Variants in EFCAB12 observed in about 807,000 individuals in gnomAD.
The protein encoded by EFCAB12 is EF-hand calcium-binding domain-containing protein 12.
Under a neutral mutation model 53.6 loss-of-function variants are expected in EFCAB12, and 43 were observed. The ratio of observed to expected loss-of-function variants is 0.80; its 90% CI spans 0.63 to 1.03. The LOEUF (loss-of-function observed/expected upper bound fraction) is 1.03. Ranked by LOEUF, EFCAB12 falls within the 50% of genes least tolerant of loss-of-function variation. EFCAB12 has a pLI of 0.00. For missense variants in EFCAB12, 646 were observed against 730.6 expected (o/e 0.88, Z 1.34); for synonymous variants, 269 against 289.2 (o/e 0.93, Z 0.71).
At chr3:129,404,157 C>T (rs1042993311) in intron 7 of EFCAB12, 93 bp downstream of exon 7, 11 of 1,498,858 alleles carry the variant, frequency 7.3e-6, no homozygotes, top group Middle Eastern at 1.8e-4. Flanking sequence ...CACAGCATGG[C>T]GCCCCAGGTA....
At chr3:129,426,366 T>TTG (rs957307202) in intron 1 of EFCAB12, among the ~76,000 whole-genome samples, 4 of 133,160 alleles carry the variant, frequency 3.0e-5, no homozygotes, top group African/African-American at 1.2e-4. Flanking sequence ...TTTGTTTTTT[T>TTG]TTTTTTTTTT....
rs539117330 is a variant in EFCAB12 at position 129,416,144 on chromosome 3, C to T, written c.682-743G>A. On this transcript the variant is annotated intron_variant, in intron 3 of 8. Transcript: ENST00000505956. ...CAGAACTCTCCTGGTGCTGGCTGGACGTTGTGCCTCACGTTTGTAAACCCA... is the reference window on the plus strand; with the variant it reads ...CAGAACTCTCCTGGTGCTGGCTGGATGTTGTGCCTCACGTTTGTAAACCCA... 4.0e-5 allele frequency among the ~76,000 whole-genome samples: 6 copies of T among 151,088 alleles called. No homozygotes were observed. In the East Asian group the frequency reaches 9.9e-4, roughly 25 times the overall value.
At chr3:129,415,530 T>C in intron 3 of EFCAB12, 129 bp from the exon 4 acceptor site, 4 of 1,152,246 alleles carry the variant, frequency 3.5e-6, no homozygotes, top group African/African-American at 1.6e-5. Context: ...CTCCCTACTA[T>C]ACCCAAGGTC....
chr3:129,401,916 C>T, intron 8 of EFCAB12, 65 bp from the exon 9 acceptor site: 3 of 1,553,212 alleles, frequency 1.9e-6, no homozygotes, highest in Non-Finnish European at 2.6e-6. Flanking sequence ...GGCTTCATCG[C>T]AGAGCCCACC....
rs764112970 is a variant in EFCAB12 at position 129,411,268 on chromosome 3, C to T, written c.925G>A (p.Asp309Asn). Residue 309 changes from aspartate (D) to asparagine (N), a missense_variant, in exon 5 of 9, where the codon GAC (aspartate) becomes AAC (asparagine). Asp to Asn is a conservative substitution (Grantham distance 23). Transcript: ENST00000505956. The stretch of plus-strand genomic sequence containing the variant: ...TCGACTGCAGGCACCGTCAGTAGGT[C>T]CACTTTGGGAAGCTGTGGGGCTGAA... Reference protein sequence around the residue: ...VDSAPQLPKVDLLTVPAVDTQ... With the variant: ...VDSAPQLPKVNLLTVPAVDTQ... 3.7e-6 allele frequency: 6 copies of T among 1,613,464 alleles called. No individual in the cohort carries two copies. In the Admixed American group the frequency reaches 5.0e-5, roughly 13 times the overall value.
intron 7 of EFCAB12, chr3:129,402,843 G>A: frequency 2.2e-6 from 1 of 455,842 alleles, no homozygotes; most frequent in Non-Finnish European, 4.0e-6. Context: ...CTCATCCTTG[G>A]TTTTCTCATG....
intron 4 of EFCAB12, chr3:129,411,559 T>C: frequency 6.3e-6 from 3 of 476,026 alleles, no homozygotes; most frequent in Non-Finnish European, 1.1e-5. Context: ...ATGGCGTCCC[T>C]TACTGCACCA....
intron 1 of EFCAB12, among the ~76,000 whole-genome samples, chr3:129,424,221 T>C (rs551029150): frequency 2.0e-5 from 3 of 152,246 alleles, no homozygotes; most frequent in Non-Finnish European, 4.4e-5. Context: ...ACAAGGCCCA[T>C]GTGTTCCTTT....
intron 5 of EFCAB12, 140 bp from the exon 6 acceptor site, chr3:129,408,998 G>T: frequency 1.1e-6 from 1 of 884,822 alleles, no homozygotes; most frequent in Non-Finnish European, 1.7e-6. Context: ...CGTCCAGTGG[G>T]GCTGCAGTTC....
At chr3:129,409,183 C>T (rs1478995233) in intron 5 of EFCAB12, among the ~76,000 whole-genome samples, 1 of 152,266 alleles carries the variant, frequency 6.6e-6, no homozygotes, top group Admixed American at 6.5e-5. Flanking sequence ...CACAAGATGG[C>T]TCACACCTGT....
rs1180575404 is a variant in EFCAB12 at position 129,401,653 on chromosome 3, C to T, written c.1659G>A (p.Arg553=). The T allele has an allele frequency of 2.5e-6, 4 of 1,584,660 alleles. No individual in the cohort carries two copies. The highest frequency in any genetic ancestry group is 1.2e-5 in the South Asian group (1 of 86,872). The stretch of plus-strand genomic sequence containing the variant: ...GGGCGTGGGTCATGTAGTTCTTGTT[C>T]CTAAGGGGCCACCAGTGGTCAGGGT... ...TYHPDHWWPL[R]NKNYMTHAHY... The change falls in exon 9 of 9, where the codon AGG becomes AGA. Residue 553 remains arginine, a synonymous_variant. Transcript: ENST00000505956.
intron 8 of EFCAB12, 146 bp downstream of exon 8, chr3:129,402,377 G>T (rs934790260): frequency 2.3e-6 from 2 of 868,158 alleles, no homozygotes; most frequent in Non-Finnish European, 3.8e-6. Flanking sequence ...ATGCCTCCTG[G>T]CCCTCTCTGT....
rs1242245487 is a variant in EFCAB12, at chr3:129,415,297, G to A, written c.786C>T (p.Tyr262=). ...TTTGCTGAGCCATAGACCACTGCTTGTAGGTATTGGCCAGGATATCCATGG... is the reference window on the plus strand; with the variant it reads ...TTTGCTGAGCCATAGACCACTGCTTATAGGTATTGGCCAGGATATCCATGG... ...TITMDILANT[Y]KQWSMAQQRS... The change falls in exon 4 of 9, where the codon TAC becomes TAT. Residue 262 remains tyrosine (Y), a synonymous_variant. Transcript: ENST00000505956. The A allele has an allele frequency of 6.2e-7, 1 of 1,613,152 alleles. No individual in the cohort carries two copies. The highest frequency in any genetic ancestry group is 1.7e-5 in the Admixed American group (1 of 59,984).
At chr3:129,408,210 G>A (rs2071979000) in intron 6 of EFCAB12, among the ~76,000 whole-genome samples, 2 of 152,182 alleles carry the variant, frequency 1.3e-5, no homozygotes, top group African/African-American at 2.4e-5. Flanking sequence ...GAAGAACCAG[G>A]CAACAGCCTG....
chr3:129,408,664 T>C lies in EFCAB12; in HGVS notation c.1230A>G (p.Thr410=), dbSNP rs1285857703. 2 of 1,577,758 alleles carry C rather than the reference T, an allele frequency of 1.3e-6. No homozygotes were observed. Among genetic ancestry groups the C allele is most frequent in the Admixed American group, 1.8e-5 (1 of 55,362 alleles). The part of the protein sequence containing the change: ...KLCKSYGLPL[T]EDILMKALLY... ...CCTTACCTTTCATGAGGATGTCCTC[T>C]GTCAGCGGGAGGCCATAGGACTTAC... The change falls in exon 6 of 9, where the codon ACA becomes ACG. Residue 410 remains threonine, a synonymous_variant. Coordinates refer to ENST00000505956, the MANE Select transcript of EFCAB12 (RefSeq NM_207307.3).
At chr3:129,402,130 C>T (rs1285643575) in intron 8 of EFCAB12, among the ~76,000 whole-genome samples, 8 of 152,172 alleles carry the variant, frequency 5.3e-5, no homozygotes, top group South Asian at 2.1e-4. Flanking sequence ...AAGTCTTAAG[C>T]GCGAACCATC....
intron 7 of EFCAB12, chr3:129,403,453 C>G (rs138084406): frequency 6.6e-6 from 1 of 152,242 alleles, no homozygotes; most frequent in African/African-American, 2.4e-5. Flanking sequence ...TAACCGAAGG[C>G]CTGTCTGATC....
At chr3:129,425,634 C>A (rs1405037338) in intron 1 of EFCAB12, among the ~76,000 whole-genome samples, 1 of 152,192 alleles carries the variant, frequency 6.6e-6, no homozygotes, top group Non-Finnish European at 1.5e-5. Flanking sequence ...CCTCAGGGAG[C>A]TTCATTCTAG....
chr3:129,412,947 G>A (rs2072064682), intron 4 of EFCAB12: 1 of 152,242 alleles, frequency 6.6e-6, no homozygotes, highest in Non-Finnish European at 1.5e-5. Flanking sequence ...CCCTGCCCTG[G>A]TTCAGACCTT....
Sources: gnomAD v4.1 joint callset for allele counts (sites outside exome capture counted in the v4.1 genomes callset) on GRCh38, gnomAD v4.1.1 for gene constraint, MANE v1.5 for transcripts, NCBI Gene and HGNC (gene_info 2026-07-23, HGNC 2026-07-21) for gene names.